The following TMEM131 variants were observed in gnomAD, a reference collection of about 807,000 sequenced individuals.
TMEM131 encodes the protein 2610524E03Rik.
In TMEM131, 66 loss-of-function variants were observed where a neutral mutation model predicts 211.6. That is an observed-to-expected ratio of 0.31 (90% CI 0.26 to 0.38). The LOEUF (loss-of-function observed/expected upper bound fraction) is 0.38. Among genes scored for constraint, TMEM131 ranks in the 10% least tolerant of loss-of-function variants. The pLI, the probability that TMEM131 is intolerant of heterozygous loss-of-function variation, is 1.00. For synonymous variants in TMEM131, 844 were observed against 841.3 expected, an observed-to-expected ratio of 1.00 and a Z score of -0.06; for missense variants, 2,036 against 2,299.3, an observed-to-expected ratio of 0.89 and a Z score of 2.34.
At chr2:97,941,104 T>C (rs1321886798) in intron 1 of TMEM131, among the ~76,000 whole-genome samples, 1 of 152,186 alleles carries the variant, frequency 6.6e-6, no homozygotes, top group Admixed American at 6.5e-5. Context: ...CAAAACAGCA[T>C]GGTACTGGTA....
At chr2:97,826,932 G>A (rs1682417098) in intron 11 of TMEM131, among the ~76,000 whole-genome samples, 1 of 152,096 alleles carries the variant, frequency 6.6e-6, no homozygotes, top group African/African-American at 2.4e-5. Flanking sequence ...TCCTAACAGG[G>A]GATCTAAATC....
At position 97,759,591 on chromosome 2, in the gene TMEM131, C is replaced by T. The variant is rs907644940; in HGVS notation, c.5206+61G>A. 39 of 1,400,754 alleles carry T rather than the reference C, an allele frequency of 2.8e-5. No individual in the cohort carries two copies. In the Admixed American group the frequency reaches 6.7e-4, roughly 24 times the overall value. The allele number at this position is 1,400,754 out of a possible 1,614,324, so 86.8% of individuals were successfully genotyped here. Reference sequence around the variant, plus strand: ...GTGTTCTCCAGCACACAAAACCACACCTCCTCTCCCTTCCTCTGTCCACAG... The same window carrying T: ...GTGTTCTCCAGCACACAAAACCACATCTCCTCTCCCTTCCTCTGTCCACAG... On this transcript the variant is annotated intron_variant, in intron 39 of 40. Transcript: ENST00000186436.
intron 38 of TMEM131, chr2:97,760,210 AT>A (rs1453454294): frequency 3.5e-6 from 1 of 284,300 alleles, no homozygotes; most frequent in Non-Finnish European, 6.7e-6. Context: ...GTGGCCAGTG[AT>A]TTACTATAAA....
At chr2:97,893,105 T>C (rs910764054) in intron 3 of TMEM131, among the ~76,000 whole-genome samples, 4 of 152,164 alleles carry the variant, frequency 2.6e-5, no homozygotes, top group Admixed American at 6.5e-5. Flanking sequence ...TGTGTTCTCA[T>C]TGTTCAACTC....
chr2:97,928,198 A>G (rs915764136), intron 1 of TMEM131, among the ~76,000 whole-genome samples: 1 of 152,194 alleles, frequency 6.6e-6, no homozygotes, highest in Non-Finnish European at 1.5e-5. Context: ...AAACTGTGGT[A>G]TATCTATACA....
intron 3 of TMEM131, among the ~76,000 whole-genome samples, chr2:97,889,380 T>C (rs918437477): frequency 2.6e-5 from 4 of 152,134 alleles, no homozygotes; most frequent in Non-Finnish European, 5.9e-5. Context: ...CTTTCTGCCC[T>C]GTCTGTTTCT....
At chr2:97,957,076 G>A (rs1431540230) in intron 1 of TMEM131, among the ~76,000 whole-genome samples, 1 of 145,050 alleles carries the variant, frequency 6.9e-6, no homozygotes, top group Non-Finnish European at 1.5e-5. Flanking sequence ...CAGGCTGGGC[G>A]ACAGCGTGAG....
chr2:97,928,580 G>C (rs1677085661), intron 1 of TMEM131, among the ~76,000 whole-genome samples: 1 of 151,768 alleles, frequency 6.6e-6, no homozygotes, highest in Non-Finnish European at 1.5e-5. Context: ...TACTGAAGTG[G>C]GGGGAGAGGG....
At chr2:97,808,667 G>C (rs944684683) in intron 19 of TMEM131, among the ~76,000 whole-genome samples, 2 of 152,208 alleles carry the variant, frequency 1.3e-5, no homozygotes, top group Admixed American at 1.3e-4. Context: ...CTATTGGGAA[G>C]AAACGATCTC....
intron 1 of TMEM131, among the ~76,000 whole-genome samples, chr2:97,966,547 TCAATAA>T (rs1221838304): frequency 7.9e-5 from 12 of 152,138 alleles, no homozygotes; most frequent in Admixed American, 6.5e-5. Context: ...ACAGTGGCCC[TCAATAA>T]ATGTTTGTTG....
chr2:97,790,554 C>T (rs1680456205), intron 31 of TMEM131, among the ~76,000 whole-genome samples: 1 of 152,008 alleles, frequency 6.6e-6, no homozygotes, highest in African/African-American at 2.4e-5. Flanking sequence ...AATGAGTGAC[C>T]CTGAAAATAG....
chr2:97,928,668 T>C (rs377663180), intron 1 of TMEM131, among the ~76,000 whole-genome samples: 14 of 151,902 alleles, frequency 9.2e-5, no homozygotes, highest in East Asian at 5.8e-4. Context: ...ACACACGCAA[T>C]GTATTCTAGT....
chr2:97,826,426 T>C (rs1289997680), intron 11 of TMEM131, among the ~76,000 whole-genome samples: 5 of 152,140 alleles, frequency 3.3e-5, no homozygotes, highest in African/African-American at 9.7e-5. Flanking sequence ...TATGGAGTTA[T>C]TGCACGCAGT....
At chr2:97,966,725 C>T (rs937259731) in intron 1 of TMEM131, among the ~76,000 whole-genome samples, 17 of 152,270 alleles carry the variant, frequency 1.1e-4, no homozygotes, top group African/African-American at 3.6e-4. Flanking sequence ...ACATACCAAG[C>T]CCTACAGATG....
chr2:97,833,514 G>A, intron 10 of TMEM131, 88 bp from the exon 11 acceptor site: 1 of 643,392 alleles, frequency 1.6e-6, no homozygotes, highest in Non-Finnish European at 2.7e-6. Flanking sequence ...TCAAATTGAA[G>A]CTATCAATTT....
intron 25 of TMEM131, among the ~76,000 whole-genome samples, chr2:97,798,376 T>C (rs1680869760): frequency 6.6e-6 from 1 of 152,254 alleles, no homozygotes; most frequent in African/African-American, 2.4e-5. Flanking sequence ...GCTTCTGCTA[T>C]CATGGAAGGA....
At position 97,811,232 on chromosome 2, in the gene TMEM131, C is replaced by A; in HGVS notation, c.1864G>T (p.Val622Leu). 1 of 1,610,206 alleles carries A rather than the reference C, an allele frequency of 6.2e-7. No individual in the cohort carries two copies. Among genetic ancestry groups the A allele is most frequent in the Non-Finnish European group, 8.5e-7 (1 of 1,176,696 alleles). The part of the protein sequence containing the change: ...EKSSLSDQSS[V>L]TLASGYFAVF... Reference sequence around the variant, plus strand: ...GCAAAATAGCCTGAAGCTAATGTTACCTGTAGATAGTAGAAATGGTATCAT... The same window carrying A: ...GCAAAATAGCCTGAAGCTAATGTTAACTGTAGATAGTAGAAATGGTATCAT... The change falls in exon 18 of 41, where the codon GTA becomes TTA. Residue 622 changes from valine (V) to leucine (L), a missense_variant and splice_region_variant. Val to Leu is a conservative substitution (Grantham distance 32, BLOSUM62 1). Coordinates refer to ENST00000186436, the MANE Select transcript of TMEM131 (RefSeq NM_015348.2).
intron 15 of TMEM131, among the ~76,000 whole-genome samples, chr2:97,813,074 G>A (rs1681632060): frequency 6.6e-6 from 1 of 152,148 alleles, no homozygotes. Flanking sequence ...ACATAGTTGA[G>A]GGCTTTGTAT....
chr2:97,916,881 A>G (rs1462415492), intron 2 of TMEM131, among the ~76,000 whole-genome samples: 1 of 152,256 alleles, frequency 6.6e-6, no homozygotes, highest in East Asian at 1.9e-4. Context: ...TTAAGAATTT[A>G]GAAGAGTACC....
Sources: gnomAD v4.1 joint callset for allele counts (sites outside exome capture counted in the v4.1 genomes callset) on GRCh38, gnomAD v4.1.1 for gene constraint, MANE v1.5 for transcripts, NCBI Gene and HGNC (gene_info 2026-07-23, HGNC 2026-07-21) for gene names.